The following BBS2 variants were observed in gnomAD, a reference collection of about 807,000 sequenced individuals.
BBS2 encodes the protein Bardet-Biedl syndrome 2.
BBS2 carries 62 observed loss-of-function variants against 83.0 expected under a neutral mutation model. The observed-to-expected ratio is 0.75, with a 90% CI of 0.61 to 0.92. BBS2 has a LOEUF of 0.92. Among genes scored for constraint, BBS2 ranks in the 40% least tolerant of loss-of-function variants. The pLI is 0.00. For synonymous variants in BBS2, 303 were observed against 326.1 expected (o/e 0.93, Z 0.76); for missense variants, 784 against 901.0 (o/e 0.87, Z 1.66).
chr16:56,489,800 CAAAG>C (rs1471881718), intron 15 of BBS2, among the ~76,000 whole-genome samples: 3 of 139,296 alleles, frequency 2.2e-5, no homozygotes, highest in African/African-American at 7.9e-5. Context: ...AACTCCATCT[CAAAG>C]AAAAAAAAAA....
intron 1 of BBS2, among the ~76,000 whole-genome samples, chr16:56,519,017 C>T (rs1444321579): frequency 6.6e-6 from 1 of 152,094 alleles, no homozygotes; most frequent in Non-Finnish European, 1.5e-5. Flanking sequence ...GTATTGCATT[C>T]TTTTGTCGTT....
At chr16:56,488,869 A>G (rs1433159485) in intron 15 of BBS2, among the ~76,000 whole-genome samples, 1 of 152,224 alleles carries the variant, frequency 6.6e-6, no homozygotes, top group Non-Finnish European at 1.5e-5. Flanking sequence ...CACTTTGGAG[A>G]GCCTAAGATT....
At chr16:56,487,869 T>C (rs1203427865) in intron 15 of BBS2, among the ~76,000 whole-genome samples, 2 of 151,844 alleles carry the variant, frequency 1.3e-5, no homozygotes, top group Non-Finnish European at 2.9e-5. Context: ...ATACAAAACA[T>C]CCATACATGA....
chr16:56,507,979 TAAA>T (rs1244063357), intron 5 of BBS2, among the ~76,000 whole-genome samples: 1 of 151,982 alleles, frequency 6.6e-6, no homozygotes, highest in African/African-American at 2.4e-5. Context: ...AAAAAAATAA[TAAA>T]ATAAAAAACA....
downstream of BBS2, among the ~76,000 whole-genome samples, chr16:56,481,192 G>GT (rs1332347205): frequency 1.3e-5 from 2 of 151,964 alleles, no homozygotes; most frequent in African/African-American, 4.8e-5. Flanking sequence ...TTGCATAATA[G>GT]TTTTAAAGTT....
chr16:56,509,752 A>T, intron 5 of BBS2: 1 of 520,604 alleles, frequency 1.9e-6, no homozygotes. Context: ...TTCTCTATTT[A>T]ATCAGTCTTT....
intron 5 of BBS2, chr16:56,509,621 G>T: frequency 3.6e-6 from 1 of 275,880 alleles, no homozygotes; most frequent in Non-Finnish European, 7.1e-6. Context: ...TTCATATAAA[G>T]TACTTAGAGC....
intron 16 of BBS2, 123 bp from the exon 17 acceptor site, chr16:56,484,990 CT>C: frequency 1.3e-6 from 1 of 756,752 alleles, no homozygotes; most frequent in Non-Finnish European, 2.2e-6. Flanking sequence ...TATGATTTAT[CT>C]TACCATTCCC....
chr16:56,520,007 C>CA lies in BBS2; in HGVS notation c.-146_-145insT. On this transcript the variant is annotated 5_prime_UTR_variant, in exon 1 of 17. Transcript: ENST00000245157. ...CGGACGCGAAACAGCCCGGGACGAA[C>CA]CCGTCCAGGTACCGCCTGCTCCTCC... 1 of 723,856 alleles carries CA rather than the reference C, an allele frequency of 1.4e-6. No homozygotes were observed. Among genetic ancestry groups the CA allele is most frequent in the Non-Finnish European group, 2.5e-6 (1 of 406,396 alleles). 44.8% of individuals were successfully genotyped at this position (723,856 alleles called of 1,614,324 possible). A position where few individuals can be genotyped will look rare whatever the true frequency, so the allele number is the denominator to read the frequency against.
At chr16:56,485,326 G>C (rs1567564032) in intron 16 of BBS2, among the ~76,000 whole-genome samples, 1 of 152,016 alleles carries the variant, frequency 6.6e-6, no homozygotes, top group African/African-American at 2.4e-5. Flanking sequence ...ATTTCCTTTG[G>C]GTTATATATA....
intron 17 of BBS2, among the ~76,000 whole-genome samples, chr16:56,471,210 A>C (rs1172818271): frequency 1.3e-5 from 2 of 151,706 alleles, no homozygotes; most frequent in Non-Finnish European, 2.9e-5. Context: ...AAAAAAAAAA[A>C]AATTTGCCAG....
Position 56,506,201 on chromosome 16 carries a change from C to G in BBS2, c.636G>C (p.Met212Ile). Residue 212 changes from methionine to isoleucine, a missense_variant, in exon 6 of 17, where the codon ATG becomes ATC. By Grantham distance (10) the Met-to-Ile change is conservative. Transcript: ENST00000245157. ...GGGCATAACCAAATCGACTGCCATACATGGGACAAAGAGAGGTGACTATCT... is the reference window on the plus strand; with the variant it reads ...GGGCATAACCAAATCGACTGCCATAGATGGGACAAAGAGAGGTGACTATCT... Reference protein sequence around the residue: ...ETEIVTSLCPMYGSRFGYALS... With the variant: ...ETEIVTSLCPIYGSRFGYALS... 1 of 1,613,894 alleles carries G rather than the reference C, an allele frequency of 6.2e-7. No homozygotes were observed. Among genetic ancestry groups the G allele is most frequent in the Non-Finnish European group, 8.5e-7 (1 of 1,179,882 alleles).
intron 14 of BBS2, 103 bp from the exon 15 acceptor site, chr16:56,497,182 C>A: frequency 1.2e-6 from 1 of 817,644 alleles, no homozygotes. Context: ...CCCCTTCTTT[C>A]CCCTGTTCGC....
At chr16:56,470,562 A>G in exon 18 of BBS2, 1 of 1,614,152 alleles carries the variant, frequency 6.2e-7, no homozygotes, top group Non-Finnish European at 8.5e-7. Flanking sequence ...GCTCTGAGGC[A>G]CTATTCTTGC....
intron 1 of BBS2, chr16:56,515,980 T>A (rs77344999): frequency 0.042 from 6,436 of 152,310 alleles, 209 homozygotes; most frequent in East Asian, 0.16. Flanking sequence ...AACAAACCAA[T>A]TCTTACAAAG....
At chr16:56,497,271 C>T in intron 14 of BBS2, 192 bp from the exon 15 acceptor site, 3 of 630,880 alleles carry the variant, frequency 4.8e-6, no homozygotes, top group Non-Finnish European at 5.7e-6. Context: ...CCAATTTCAA[C>T]ACGACACTCC....
intron 15 of BBS2, among the ~76,000 whole-genome samples, chr16:56,487,496 C>T (rs185788940): frequency 0.019 from 2,951 of 152,136 alleles, 47 homozygotes; most frequent in Admixed American, 0.032. Flanking sequence ...TAAAATATTT[C>T]GTAATTGTCT....
At chr16:56,519,046 A>C (rs753933041) in intron 1 of BBS2, among the ~76,000 whole-genome samples, 2 of 152,196 alleles carry the variant, frequency 1.3e-5, no homozygotes, top group Non-Finnish European at 2.9e-5. Flanking sequence ...AAGGACTGTG[A>C]AAGGCTGGGT....
chr16:56,516,109 C>T (rs1241767512), intron 1 of BBS2: 2 of 152,232 alleles, frequency 1.3e-5, no homozygotes, highest in African/African-American at 4.8e-5. Flanking sequence ...ACAAGGATCT[C>T]AGGAGTCAGA....
Sources: allele counts gnomAD v4.1 joint callset (sites outside exome capture counted in the v4.1 genomes callset), GRCh38; gene constraint gnomAD v4.1.1; transcripts MANE v1.5; gene names NCBI Gene and HGNC (gene_info 2026-07-23, HGNC 2026-07-21).